NLRC5: variants seen among roughly 807,000 people sequenced by gnomAD.
NLRC5 encodes protein NLRC5.
A neutral mutation model predicts 206.9 loss-of-function variants in NLRC5; 114 were observed. The ratio of observed to expected loss-of-function variants is 0.55; its 90% CI spans 0.47 to 0.64. The LOEUF is 0.64. NLRC5 is among the 30% of genes least tolerant of loss of function. The probability of loss-of-function intolerance (pLI) is 0.00; values close to 1 mark genes in which losing one functional copy is unlikely to be tolerated. For synonymous variants in NLRC5, 952 were observed against 962.8 expected (o/e 0.99, Z 0.21); for missense variants, 2,008 against 2,305.5 (o/e 0.87, Z 2.64).
At chr16:57,009,639 C>T (rs868126126) in intron 1 of NLRC5, among the ~76,000 whole-genome samples, 1 of 152,040 alleles carries the variant, frequency 6.6e-6, no homozygotes, top group Non-Finnish European at 1.5e-5. Flanking sequence ...TGAGCTACAC[C>T]ATGTTTGAAC....
intron 1 of NLRC5, among the ~76,000 whole-genome samples, chr16:56,997,861 G>A (rs1230278336): frequency 6.6e-6 from 1 of 152,182 alleles, no homozygotes; most frequent in Non-Finnish European, 1.5e-5. Context: ...GATCACAGGT[G>A]TGAGCCACTA....
chr16:57,003,995 G>C (rs1018615225), intron 1 of NLRC5: 3 of 152,274 alleles, frequency 2.0e-5, no homozygotes, highest in African/African-American at 2.4e-5. Context: ...AGAAGCTGAC[G>C]GGCCTAGAGA....
At chr16:57,050,442 C>G (rs1349355797) in intron 23 of NLRC5, among the ~76,000 whole-genome samples, 1 of 152,256 alleles carries the variant, frequency 6.6e-6, no homozygotes, top group Non-Finnish European at 1.5e-5. Flanking sequence ...AGAGATGGGC[C>G]AGGCCCTTGG....
intron 23 of NLRC5, among the ~76,000 whole-genome samples, chr16:57,049,609 C>T (rs1484546778): frequency 1.3e-5 from 2 of 151,836 alleles, no homozygotes; most frequent in African/African-American, 4.8e-5. Context: ...GGTGGTGCAC[C>T]CCTGTAATCC....
Position 57,082,870 on chromosome 16 carries a change from G to C in NLRC5, c.*342G>C, listed in dbSNP as rs2069313091. ...GTGGCGTTACATGAAAGTCAGTGTG[G>C]CACGTGTTCTGTGGCATGGGTGCTG... On this transcript the variant is annotated 3_prime_UTR_variant, in exon 49 of 49. Transcript: ENST00000688547. 4.6e-6 allele frequency: 1 copy of C among 217,000 alleles called. No individual in the cohort carries two copies. Among genetic ancestry groups the C allele is most frequent in the Non-Finnish European group, 9.1e-6 (1 of 109,572 alleles). The allele number at this position is 217,000 out of a possible 1,614,324, so 13.4% of individuals were successfully genotyped here.
At position 57,078,135 on chromosome 16, in the gene NLRC5, C is replaced by A. The variant is rs536179847; in HGVS notation, c.5081+115C>A. 3 of 770,466 alleles carry A rather than the reference C, an allele frequency of 3.9e-6. No individual in the cohort carries two copies. The African/African-American group carries it at 5.3e-5, about 14-fold the overall frequency. The allele number at this position is 770,466 out of a possible 1,614,324, so 47.7% of individuals were successfully genotyped here. ...CTGCCCTGCCCCAAGTCAAGCTTGG[C>A]ATATACCCACTCTCCTGCCTGTTCC... is the stretch of plus-strand genomic sequence containing the variant. On this transcript the variant is annotated intron_variant, in intron 43 of 48. Coordinates refer to ENST00000688547, the MANE Select transcript of NLRC5 (RefSeq NM_001384950.1).
chr16:57,058,321 C>G (rs1308975647), intron 28 of NLRC5, 173 bp downstream of exon 28: 1 of 601,696 alleles, frequency 1.7e-6, no homozygotes, highest in African/African-American at 1.9e-5. Context: ...GGGTCCTTTC[C>G]TCTGTCCCTC....
intron 1 of NLRC5, among the ~76,000 whole-genome samples, chr16:57,000,080 A>C (rs2058075112): frequency 6.6e-6 from 1 of 152,136 alleles, no homozygotes; most frequent in African/African-American, 2.4e-5. Flanking sequence ...CATGGGAACC[A>C]CTGGCCTGGA....
chr16:57,079,493 A>G (rs2068860057), intron 45 of NLRC5, 53 bp from the exon 46 acceptor site: 3 of 1,521,228 alleles, frequency 2.0e-6, no homozygotes, highest in Middle Eastern at 3.4e-4. Context: ...GACCTGCTAG[A>G]TCCCCTGACT....
At chr16:57,023,653 C>T (rs1422790477) in intron 4 of NLRC5, 132 bp from the exon 5 acceptor site, 1 of 645,902 alleles carries the variant, frequency 1.5e-6, no homozygotes, top group Admixed American at 2.8e-5. Context: ...GCCTGCCTTT[C>T]CAGTCCCTGC....
At position 57,029,780 on chromosome 16, in the gene NLRC5, G is replaced by C. The variant is rs2061603712; in HGVS notation, c.2251G>C (p.Asp751His). ...CPQLKEVSFR[D>H]NQLSDQVVLN... The stretch of plus-strand genomic sequence containing the variant: ...GCCTTGGTCTCCTCGCAGTTTTCGG[G>C]ACAACCAGCTCAGTGACCAGGTGGT... The change falls in exon 9 of 49, where the codon GAC becomes CAC. Residue 751 changes from aspartate (D) to histidine (H), a missense_variant. Transcript: ENST00000688547. The C allele has an allele frequency of 1.2e-6, 2 of 1,614,126 alleles. No individual in the cohort carries two copies. Among genetic ancestry groups the C allele is most frequent in the Non-Finnish European group, 1.7e-6 (2 of 1,179,998 alleles).
chr16:57,077,641 G>A (rs1375665595), intron 41 of NLRC5, 78 bp from the exon 42 acceptor site: 3 of 1,411,950 alleles, frequency 2.1e-6, no homozygotes, highest in Non-Finnish European at 9.6e-7. Flanking sequence ...TGAAGCAGGG[G>A]TGGCAGACCC....
chr16:56,989,768 G>GGATA (rs2056568320), intron 1 of NLRC5, among the ~76,000 whole-genome samples, 151 bp downstream of exon 1: 2 of 152,210 alleles, frequency 1.3e-5, no homozygotes, highest in African/African-American at 4.8e-5. Context: ...GCTGGCCGAT[G>GGATA]GATAGCTGGG....
chr16:57,069,424 AC>A (rs1555538175), intron 36 of NLRC5, among the ~76,000 whole-genome samples: 1 of 152,050 alleles, frequency 6.6e-6, no homozygotes, highest in Non-Finnish European at 1.5e-5. Flanking sequence ...TAGCGAGACC[AC>A]CCCCATCTCT....
rs138967785 is a variant in NLRC5 at position 57,027,463 on chromosome 16, T to C, written c.2075+445T>C. 2.6e-5 allele frequency among the ~76,000 whole-genome samples: 4 copies of C among 152,374 alleles called. No individual in the cohort carries two copies. In the East Asian group the frequency reaches 5.8e-4, roughly 22 times the overall value. ...TGCCTAGCACAGAGCAAAGGCTCAGTGTGCATATTAGCTAGAGAAAAGGCT... is the reference window on the plus strand; with the variant it reads ...TGCCTAGCACAGAGCAAAGGCTCAGCGTGCATATTAGCTAGAGAAAAGGCT... On this transcript the variant is annotated intron_variant, in intron 6 of 48. Coordinates refer to ENST00000688547, the MANE Select transcript of NLRC5 (RefSeq NM_001384950.1).
chr16:57,075,300 A>C (rs1597454054), intron 39 of NLRC5, among the ~76,000 whole-genome samples: 1 of 151,304 alleles, frequency 6.6e-6, no homozygotes, highest in Non-Finnish European at 1.5e-5. Flanking sequence ...GCTCACTGCA[A>C]CCTCCGCCTC....
intron 4 of NLRC5, among the ~76,000 whole-genome samples, chr16:57,022,931 C>G (rs1443883095): frequency 6.6e-6 from 1 of 152,276 alleles, no homozygotes; most frequent in African/African-American, 2.4e-5. Context: ...CTGTCCAAGT[C>G]CCTGGTCCAA....
In NLRC5 at chr16:57,039,765, T is replaced by C. The variant is rs538885167; in HGVS notation, c.2802-16T>C. Reference sequence around the variant, plus strand: ...CAATAACCTCTCGCTTCCTCACCCCTCTTTTGTCTTCACAGCCTGCAGCAC... The same window carrying C: ...CAATAACCTCTCGCTTCCTCACCCCCCTTTTGTCTTCACAGCCTGCAGCAC... On this transcript the variant is annotated splice_polypyrimidine_tract_variant and intron_variant, in intron 15 of 48. Coordinates refer to ENST00000688547, the MANE Select transcript of NLRC5 (RefSeq NM_001384950.1). 3.1e-6 allele frequency: 5 copies of C among 1,613,036 alleles called. No individual in the cohort carries two copies. Among genetic ancestry groups the C allele is most frequent in the Non-Finnish European group, 4.2e-6 (5 of 1,179,070 alleles).
In NLRC5 at chr16:57,082,462, G is replaced by A. The variant is rs766045783; in HGVS notation, c.5535G>A (p.Lys1845=). The change falls in exon 49 of 49, where the codon AAG becomes AAA. Residue 1845 remains lysine, a synonymous_variant. Coordinates refer to ENST00000688547, the MANE Select transcript of NLRC5 (RefSeq NM_001384950.1). ...PIPCDMAQHL[K]SQEPRLDFAF... is the part of the protein sequence containing the mutation. Reference sequence around the variant, plus strand: ...CCTGCGACATGGCCCAGCACCTGAAGAGCCAGGAGCCCAGGCTGGACTTTG... The same window carrying A: ...CCTGCGACATGGCCCAGCACCTGAAAAGCCAGGAGCCCAGGCTGGACTTTG... 7 of 1,613,680 alleles carry A rather than the reference G, an allele frequency of 4.3e-6. No homozygotes were observed. The East Asian group carries it at 1.6e-4, about 36-fold the overall frequency.
Sources: gnomAD v4.1 joint callset for allele counts (sites outside exome capture counted in the v4.1 genomes callset) on GRCh38, gnomAD v4.1.1 for gene constraint, MANE v1.5 for transcripts, NCBI Gene and HGNC (gene_info 2026-07-23, HGNC 2026-07-21) for gene names.